The following SGCD variants were observed in gnomAD, a reference collection of about 807,000 sequenced individuals.
SGCD encodes delta-sarcoglycan.
SGCD carries 18 observed loss-of-function variants against 36.6 expected under a neutral mutation model. The ratio of observed to expected loss-of-function variants is 0.49; its 90% CI spans 0.34 to 0.73. SGCD has a LOEUF of 0.73. Ranked by LOEUF, SGCD falls within the 30% of genes least tolerant of loss-of-function variation. SGCD has a pLI of 0.01. For missense variants in SGCD, 387 were observed against 346.7 expected (o/e 1.12, Z -0.92); for synonymous variants, 133 against 130.6 (o/e 1.02, Z -0.12).
chr5:156,527,026 T>A (rs1757672911), intron 4 of SGCD, among the ~76,000 whole-genome samples: 1 of 152,194 alleles, frequency 6.6e-6, no homozygotes, highest in South Asian at 2.1e-4. Context: ...TGTCTAATTG[T>A]ATGAGTTGAG....
intron 1 of SGCD, among the ~76,000 whole-genome samples, chr5:155,959,528 A>T (rs1280887070): frequency 6.6e-6 from 1 of 152,120 alleles, no homozygotes; most frequent in Admixed American, 6.5e-5. Context: ...CCCCAACATT[A>T]TGGTTTAGAA....
At chr5:156,328,145 GT>G (rs1767898857) in intron 1 of SGCD, among the ~76,000 whole-genome samples, 1 of 152,106 alleles carries the variant, frequency 6.6e-6, no homozygotes, top group Admixed American at 6.5e-5. Context: ...TTCAGTTTTG[GT>G]TCTTCTTTAT....
chr5:156,513,514 C>T (rs2127883419), intron 4 of SGCD, among the ~76,000 whole-genome samples: 1 of 152,284 alleles, frequency 6.6e-6, no homozygotes, highest in East Asian at 1.9e-4. Flanking sequence ...TGGGGTATCA[C>T]CTTCTGCTTT....
intron 3 of SGCD, among the ~76,000 whole-genome samples, chr5:156,209,378 A>G (rs1196296597): frequency 6.6e-6 from 1 of 152,114 alleles, no homozygotes. Context: ...CTTGATGCCA[A>G]CTCAGTGCCA....
Position 156,329,799 on chromosome 5 carries a change from C to T in SGCD, c.3+220C>T, listed in dbSNP as rs373045569. On this transcript the variant is annotated intron_variant, in intron 2 of 8. Coordinates refer to ENST00000337851, the MANE Select transcript of SGCD (RefSeq NM_000337.6). ...TTGGGAGGCCGAGGCAGGTGGATCACGAGGTCAGGAGATGGAGACCATCCT... is the reference window on the plus strand; with the variant it reads ...TTGGGAGGCCGAGGCAGGTGGATCATGAGGTCAGGAGATGGAGACCATCCT... Among the ~76,000 whole-genome samples, 34 of 152,082 alleles carry T rather than the reference C, an allele frequency of 2.2e-4. No individual in the cohort carries two copies. In the South Asian group the frequency reaches 4.0e-3, roughly 18 times the overall value.
At chr5:156,166,599 C>T (rs1195612656) in intron 3 of SGCD, among the ~76,000 whole-genome samples, 1 of 152,192 alleles carries the variant, frequency 6.6e-6, no homozygotes, top group East Asian at 1.9e-4. Context: ...GGATTGCAGG[C>T]GTGAGCCACC....
chr5:156,279,504 G>T (rs1766394362), intron 3 of SGCD, among the ~76,000 whole-genome samples: 1 of 152,112 alleles, frequency 6.6e-6, no homozygotes, highest in South Asian at 2.1e-4. Context: ...ACCCTATGGT[G>T]AAATGAACAA....
chr5:156,313,923 A>G (rs1487613141), intron 3 of SGCD, among the ~76,000 whole-genome samples: 1 of 152,060 alleles, frequency 6.6e-6, no homozygotes, highest in African/African-American at 2.4e-5. Context: ...AGGCCGTGAC[A>G]TCTACTTTTT....
chr5:155,835,000 T>A, the SGCD span, among the ~76,000 whole-genome samples: 13 of 106,178 alleles, frequency 1.2e-4, no homozygotes, highest in Non-Finnish European at 2.0e-4. Context: ...CATGCCCAGC[T>A]AATTTTTTTT....
At chr5:156,204,183 T>C (rs1281913619) in intron 3 of SGCD, among the ~76,000 whole-genome samples, 1 of 152,074 alleles carries the variant, frequency 6.6e-6, no homozygotes, top group East Asian at 1.9e-4. Context: ...CAAGTGTTAC[T>C]GGACCTGCAG....
At chr5:155,941,211 C>T (rs529481046) in intron 1 of SGCD, among the ~76,000 whole-genome samples, 1 of 152,176 alleles carries the variant, frequency 6.6e-6, no homozygotes, top group African/African-American at 2.4e-5. Context: ...TGACGTTAAT[C>T]AATTCATAAG....
chr5:156,032,063 C>T (rs1759359037), intron 1 of SGCD, among the ~76,000 whole-genome samples: 1 of 151,940 alleles, frequency 6.6e-6, no homozygotes, highest in East Asian at 1.9e-4. Flanking sequence ...TGTATCTCTT[C>T]AGGTTTCCTT....
chr5:156,394,657 T>C (rs901584832), intron 3 of SGCD, among the ~76,000 whole-genome samples: 1 of 152,248 alleles, frequency 6.6e-6, no homozygotes, highest in Non-Finnish European at 1.5e-5. Flanking sequence ...TAATGTGATA[T>C]AAAGTATTTT....
the SGCD span, among the ~76,000 whole-genome samples, chr5:155,829,211 T>G: frequency 6.6e-6 from 1 of 152,150 alleles, no homozygotes; most frequent in Non-Finnish European, 1.5e-5. Flanking sequence ...TATACACCTT[T>G]CTTGACATTT....
At chr5:155,997,019 G>GCTAGAATAATAT (rs1431188226) in intron 1 of SGCD, among the ~76,000 whole-genome samples, 182 of 152,126 alleles carry the variant, frequency 1.2e-3, no homozygotes, top group Non-Finnish European at 1.9e-3. Flanking sequence ...AGCAAGTGAA[G>GCTAGAATAATAT]GTATTCTAGC....
chr5:155,924,101 G>A (rs890176089), intron 1 of SGCD, among the ~76,000 whole-genome samples: 1 of 152,142 alleles, frequency 6.6e-6, no homozygotes, highest in Non-Finnish European at 1.5e-5. Context: ...TTCCATGGCA[G>A]TCTTACCTCT....
intron 4 of SGCD, among the ~76,000 whole-genome samples, chr5:156,559,961 C>T (rs1759201479): frequency 6.6e-6 from 1 of 152,046 alleles, no homozygotes; most frequent in African/African-American, 2.4e-5. Context: ...TTATATTTTT[C>T]CCTCCAATGG....
At chr5:155,984,217 T>C (rs1374698178) in intron 1 of SGCD, among the ~76,000 whole-genome samples, 1 of 152,224 alleles carries the variant, frequency 6.6e-6, no homozygotes, top group Non-Finnish European at 1.5e-5. Flanking sequence ...TCAGCAAATA[T>C]TTATAGCATC....
intron 3 of SGCD, among the ~76,000 whole-genome samples, chr5:156,394,742 T>C (rs62380731): frequency 0.16 from 24,470 of 152,214 alleles, 2,151 homozygotes; most frequent in South Asian, 0.25. Flanking sequence ...ATTTCATTCC[T>C]CTAAAAATAT....
Sources: gnomAD v4.1 joint callset for allele counts (sites outside exome capture counted in the v4.1 genomes callset) on GRCh38, gnomAD v4.1.1 for gene constraint, MANE v1.5 for transcripts, NCBI Gene and HGNC (gene_info 2026-07-23, HGNC 2026-07-21) for gene names.